Variants in SLC25A48 observed in about 807,000 individuals in gnomAD.
The protein encoded by SLC25A48 is CTC-321K16.1.
A neutral mutation model predicts 32.2 loss-of-function variants in SLC25A48; 29 were observed. The observed-to-expected ratio is 0.90, with a 90% CI of 0.67 to 1.23. SLC25A48 has a LOEUF of 1.23. Ranked by LOEUF, SLC25A48 falls within the 50% of genes most tolerant of loss-of-function variation. SLC25A48 has a pLI of 0.00. For synonymous variants in SLC25A48, 164 were observed against 172.3 expected (o/e 0.95, Z 0.38); for missense variants, 399 against 422.7 (o/e 0.94, Z 0.49).
At chr5:135,652,301 G>A in intron 3 of SLC25A48, 1 of 445,728 alleles carries the variant, frequency 2.2e-6, no homozygotes, top group South Asian at 1.6e-5. Flanking sequence ...TATTATGAAG[G>A]AGGCAGAGAT....
chr5:135,620,401 G>A (rs184451746), intron 1 of SLC25A48, among the ~76,000 whole-genome samples: 9 of 152,148 alleles, frequency 5.9e-5, no homozygotes, highest in Non-Finnish European at 7.4e-5. Context: ...TCAGGGGCAG[G>A]GTGATCCCCA....
intron 3 of SLC25A48, among the ~76,000 whole-genome samples, chr5:135,642,676 ATGT>A (rs764529266): frequency 1.2e-4 from 19 of 152,220 alleles, no homozygotes; most frequent in South Asian, 4.1e-4. Flanking sequence ...TCCAAGGGAA[ATGT>A]TGTGTTGGAT....
intron 3 of SLC25A48, among the ~76,000 whole-genome samples, chr5:135,711,302 T>C (rs927893607): frequency 2.0e-5 from 3 of 152,190 alleles, no homozygotes; most frequent in Admixed American, 2.0e-4. Flanking sequence ...GTCAAAGAGA[T>C]AGTCAGTCAT....
At chr5:135,800,068 A>C (rs1321684727) in intron 3 of SLC25A48, among the ~76,000 whole-genome samples, 1 of 151,308 alleles carries the variant, frequency 6.6e-6, no homozygotes, top group Non-Finnish European at 1.5e-5. Flanking sequence ...GGAACTGTAC[A>C]CCCCCCTGGT....
intron 3 of SLC25A48, among the ~76,000 whole-genome samples, chr5:135,659,120 C>G (rs1247901324): frequency 1.3e-5 from 2 of 152,184 alleles, no homozygotes; most frequent in African/African-American, 4.8e-5. Flanking sequence ...ATTTTCCAAA[C>G]TTTTATTCTC....
chr5:135,784,533 T>C (rs1756790548), intron 3 of SLC25A48, among the ~76,000 whole-genome samples: 1 of 117,850 alleles, frequency 8.5e-6, no homozygotes, highest in South Asian at 3.0e-4. Context: ...AGGGAGTTGA[T>C]GATATTACCC....
chr5:135,631,009 A>G (rs1368940276), intron 2 of SLC25A48, among the ~76,000 whole-genome samples: 2 of 152,216 alleles, frequency 1.3e-5, no homozygotes, highest in African/African-American at 4.8e-5. Context: ...CTGTTGGACC[A>G]GATAGAAGAC....
chr5:135,669,915 C>T (rs980850918), intron 3 of SLC25A48, among the ~76,000 whole-genome samples: 1 of 152,208 alleles, frequency 6.6e-6, no homozygotes, highest in African/African-American at 2.4e-5. Flanking sequence ...TCATTAACTT[C>T]TTTCCAGAAT....
At chr5:135,887,392 G>GTGTTCTA (rs1305591472) in intron 7 of SLC25A48, among the ~76,000 whole-genome samples, 2 of 152,156 alleles carry the variant, frequency 1.3e-5, no homozygotes, top group African/African-American at 2.4e-5. Context: ...TTCTATGAAA[G>GTGTTCTA]TGGTTTTGAC....
At chr5:135,590,727 G>T (rs1265679720) in intron 1 of SLC25A48, among the ~76,000 whole-genome samples, 1 of 152,138 alleles carries the variant, frequency 6.6e-6, no homozygotes, top group African/African-American at 2.4e-5. Context: ...GTCCTGCAAA[G>T]AGGGTGGGAG....
Position 135,642,128 on chromosome 5 carries a change from G to T in SLC25A48, c.-521+7172G>T, listed in dbSNP as rs923360129. Among the ~76,000 whole-genome samples the T allele has an allele frequency of 2.0e-5, 3 of 152,340 alleles. No homozygotes were observed. The East Asian group carries it at 5.8e-4, about 29-fold the overall frequency. Reference sequence around the variant, plus strand: ...TGTTTAGCTTTCATAAATCAAATTGGTTTGGACCTTCGCACGCTTGGGGGC... The same window carrying T: ...TGTTTAGCTTTCATAAATCAAATTGTTTTGGACCTTCGCACGCTTGGGGGC... On this transcript the variant is annotated intron_variant, in intron 3 of 10. Coordinates refer to the SLC25A48 transcript ENST00000646290.
At chr5:135,672,685 G>T (rs1434474189) in intron 3 of SLC25A48, among the ~76,000 whole-genome samples, 1 of 152,142 alleles carries the variant, frequency 6.6e-6, no homozygotes, top group African/African-American at 2.4e-5. Context: ...CGTAGTTTTT[G>T]CAAAAGTTAT....
At chr5:135,628,384 C>T (rs985216539) in intron 1 of SLC25A48, among the ~76,000 whole-genome samples, 1 of 152,082 alleles carries the variant, frequency 6.6e-6, no homozygotes, top group African/African-American at 2.4e-5. Flanking sequence ...CTTGAAGGTC[C>T]CTTTCTAAGG....
chr5:135,694,430 A>G (rs1346249969), intron 3 of SLC25A48, among the ~76,000 whole-genome samples: 2 of 152,180 alleles, frequency 1.3e-5, no homozygotes, highest in East Asian at 3.9e-4. Context: ...ATATATTTAC[A>G]TATTTAGGGA....
At chr5:135,603,542 C>T (rs544276887) in intron 1 of SLC25A48, among the ~76,000 whole-genome samples, 33 of 152,214 alleles carry the variant, frequency 2.2e-4, no homozygotes, top group Non-Finnish European at 3.8e-4. Flanking sequence ...ATCCCTCTGA[C>T]GGCCCCTCCC....
intron 1 of SLC25A48, among the ~76,000 whole-genome samples, chr5:135,602,445 A>G (rs1471862553): frequency 6.6e-6 from 1 of 152,166 alleles, no homozygotes; most frequent in Non-Finnish European, 1.5e-5. Context: ...TGGTTTGGTC[A>G]TCTCTACTCC....
intron 3 of SLC25A48, among the ~76,000 whole-genome samples, chr5:135,762,755 T>C (rs1387172224): frequency 6.6e-6 from 1 of 151,940 alleles, no homozygotes; most frequent in Admixed American, 6.6e-5. Context: ...CAAATACAAA[T>C]TGAGCATGTG....
intron 4 of SLC25A48, chr5:135,813,070 T>G (rs528980153): frequency 1.3e-5 from 2 of 152,300 alleles, no homozygotes; most frequent in Non-Finnish European, 2.9e-5. Context: ...GGATACCACT[T>G]ACCTAATCTT....
intron 3 of SLC25A48, among the ~76,000 whole-genome samples, chr5:135,741,134 G>A (rs925418462): frequency 6.6e-6 from 1 of 152,204 alleles, no homozygotes; most frequent in Non-Finnish European, 1.5e-5. Context: ...AGAAAACGGA[G>A]GCAGAGTAAG....
Sources: gnomAD v4.1 joint callset for allele counts (sites outside exome capture counted in the v4.1 genomes callset) on GRCh38, gnomAD v4.1.1 for gene constraint, MANE v1.5 for transcripts, NCBI Gene and HGNC (gene_info 2026-07-23, HGNC 2026-07-21) for gene names.